The following FMN2 variants were observed in gnomAD, a reference collection of about 807,000 sequenced individuals.
The protein encoded by FMN2 is formin 2.
Under a neutral mutation model 142.3 loss-of-function variants are expected in FMN2, and 51 were observed. The observed-to-expected ratio is 0.36, with a 90% CI of 0.29 to 0.45. The LOEUF (loss-of-function observed/expected upper bound fraction) is 0.45. FMN2 is among the 20% of genes least tolerant of loss of function. The pLI is 1.00. For missense variants in FMN2, 1,936 were observed against 2,122.8 expected (o/e 0.91, Z 1.73); for synonymous variants, 882 against 869.8 (o/e 1.01, Z -0.25).
At chr1:240,189,011 T>C (rs527911654) in intron 4 of FMN2, among the ~76,000 whole-genome samples, 1 of 152,218 alleles carries the variant, frequency 6.6e-6, no homozygotes, top group South Asian at 2.1e-4. Context: ...TTCAGTCATC[T>C]CCCACCAGGT....
chr1:240,149,710 A>G (rs1194219188), intron 2 of FMN2, among the ~76,000 whole-genome samples: 2 of 152,216 alleles, frequency 1.3e-5, no homozygotes, highest in Non-Finnish European at 2.9e-5. Flanking sequence ...ATGCAGAAGA[A>G]TTCTCAGAAC....
intron 3 of FMN2, among the ~76,000 whole-genome samples, chr1:240,183,825 T>C (rs1665255559): frequency 6.6e-6 from 1 of 152,208 alleles, no homozygotes; most frequent in South Asian, 2.1e-4. Context: ...TAAGTCATGC[T>C]ATTTAAATGA....
In FMN2 at chr1:240,113,730, C is replaced by T. The variant is rs143112012; in HGVS notation, c.1616-9449C>T. 8.5e-3 allele frequency among the ~76,000 whole-genome samples: 1,298 copies of T among 152,114 alleles called. 16 individuals carry two copies. The highest frequency in any genetic ancestry group is 0.029 in the African/African-American group (1,205 of 41,486). ...TAAAAGTTCATGTCTCTGTCCACTC[C>T]CCCTGACCTGGTTGGTCAAATTACA... On this transcript the variant is annotated intron_variant, in intron 1 of 17. Coordinates refer to ENST00000319653, the MANE Select transcript of FMN2 (RefSeq NM_020066.5).
chr1:240,275,793 T>G (rs1669186840), intron 7 of FMN2, among the ~76,000 whole-genome samples: 1 of 152,202 alleles, frequency 6.6e-6, no homozygotes, highest in African/African-American at 2.4e-5. Context: ...CTAACTGGTG[T>G]GAGATAGTGT....
chr1:240,268,695 A>G (rs1273054224), intron 7 of FMN2, among the ~76,000 whole-genome samples: 2 of 152,012 alleles, frequency 1.3e-5, no homozygotes, highest in Non-Finnish European at 2.9e-5. Flanking sequence ...TCTAGCTATG[A>G]ATATAAAGTA....
chr1:240,299,106 C>T (rs943226428), intron 8 of FMN2, among the ~76,000 whole-genome samples: 1 of 152,036 alleles, frequency 6.6e-6, no homozygotes, highest in Non-Finnish European at 1.5e-5. Context: ...CACCGCCACA[C>T]CGGGCTAATT....
At chr1:240,142,978 C>A in intron 2 of FMN2, 1 of 1,583,300 alleles carries the variant, frequency 6.3e-7, no homozygotes, top group Non-Finnish European at 8.7e-7. Context: ...ATGTTTCGAA[C>A]ATCCAGGAAA....
intron 7 of FMN2, among the ~76,000 whole-genome samples, chr1:240,263,250 G>A (rs1214236959): frequency 6.6e-6 from 1 of 152,100 alleles, no homozygotes; most frequent in Non-Finnish European, 1.5e-5. Context: ...CTTTATAGGG[G>A]CTCTCACTGT....
chr1:240,205,891 CTTTTTTTTT>C (rs57803350), intron 4 of FMN2, among the ~76,000 whole-genome samples: 8 of 120,574 alleles, frequency 6.6e-5, no homozygotes, highest in Admixed American at 8.7e-5. Context: ...TATCAGCCAT[CTTTTTTTTT>C]TTTTTTTTTT....
At chr1:240,246,135 G>T (rs1572110934) in intron 6 of FMN2, among the ~76,000 whole-genome samples, 1 of 151,678 alleles carries the variant, frequency 6.6e-6, no homozygotes, top group East Asian at 1.9e-4. Context: ...AGCTGAGATC[G>T]CACCACTGCA....
intron 8 of FMN2, among the ~76,000 whole-genome samples, chr1:240,322,917 G>C (rs113397830): frequency 0.014 from 2,072 of 152,180 alleles, 51 homozygotes; most frequent in African/African-American, 0.047. Flanking sequence ...CTCTAAACCT[G>C]TTCTTTATCT....
intron 15 of FMN2, among the ~76,000 whole-genome samples, chr1:240,420,680 C>G (rs549483262): frequency 6.6e-6 from 1 of 152,240 alleles, no homozygotes; most frequent in East Asian, 1.9e-4. Context: ...CTGGTGTGGA[C>G]ACCAGGATAT....
chr1:240,367,852 T>C (rs1169651557), intron 14 of FMN2, among the ~76,000 whole-genome samples: 1 of 152,088 alleles, frequency 6.6e-6, no homozygotes, highest in Non-Finnish European at 1.5e-5. Context: ...AAGAAAATTT[T>C]ATAGTTTTGC....
intron 8 of FMN2, among the ~76,000 whole-genome samples, chr1:240,315,764 C>T (rs1670761600): frequency 6.6e-6 from 1 of 152,064 alleles, no homozygotes; most frequent in Admixed American, 6.6e-5. Context: ...GTGTGTGAGT[C>T]AGTGGACCAT....
intron 1 of FMN2, among the ~76,000 whole-genome samples, chr1:240,100,184 G>A (rs534230344): frequency 3.5e-4 from 54 of 152,146 alleles, no homozygotes; most frequent in Non-Finnish European, 6.9e-4. Flanking sequence ...AACTTATGTT[G>A]ATAGAAGAAT....
chr1:240,313,361 T>A (rs995892231), intron 8 of FMN2, among the ~76,000 whole-genome samples: 3 of 152,220 alleles, frequency 2.0e-5, no homozygotes, highest in Non-Finnish European at 4.4e-5. Context: ...AGTCACCTAA[T>A]GTCTGACACT....
intron 6 of FMN2, among the ~76,000 whole-genome samples, chr1:240,240,083 T>TACCA (rs1667840890): frequency 6.6e-6 from 1 of 152,190 alleles, no homozygotes; most frequent in Non-Finnish European, 1.5e-5. Context: ...CTGCCCATAT[T>TACCA]AATTATATTT....
intron 2 of FMN2, among the ~76,000 whole-genome samples, chr1:240,127,629 C>A (rs1662568354): frequency 6.6e-6 from 1 of 152,110 alleles, no homozygotes; most frequent in Non-Finnish European, 1.5e-5. Context: ...AGGCATGAGC[C>A]ACCATGCCCA....
At chr1:240,203,471 T>C (rs1264912116) in intron 4 of FMN2, among the ~76,000 whole-genome samples, 1 of 152,150 alleles carries the variant, frequency 6.6e-6, no homozygotes, top group African/African-American at 2.4e-5. Context: ...TGGAATACTA[T>C]GCAGACACAA....
Sources: allele counts gnomAD v4.1 joint callset (sites outside exome capture counted in the v4.1 genomes callset), GRCh38; gene constraint gnomAD v4.1.1; transcripts MANE v1.5; gene names NCBI Gene and HGNC (gene_info 2026-07-23, HGNC 2026-07-21).